The following CEP128 variants were observed in gnomAD, a reference collection of about 807,000 sequenced individuals.
CEP128 encodes centrosomal protein 128.
CEP128 carries 132 observed loss-of-function variants against 156.7 expected under a neutral mutation model. The observed-to-expected ratio is 0.84, with a 90% confidence interval of 0.73 to 0.97. The LOEUF is 0.97. Ranked by LOEUF, CEP128 falls within the 50% of genes least tolerant of loss-of-function variation. CEP128 has a pLI of 0.00. For missense variants in CEP128, 1,252 were observed against 1,281.9 expected, an observed-to-expected ratio of 0.98 and a Z score of 0.36; for synonymous variants, 469 against 448.9, an observed-to-expected ratio of 1.04 and a Z score of -0.57.
intron 20 of CEP128, among the ~76,000 whole-genome samples, chr14:80,579,732 G>A (rs1426985541): frequency 6.6e-6 from 1 of 152,162 alleles, no homozygotes; most frequent in African/African-American, 2.4e-5. Context: ...GAATATAACT[G>A]ATTATGTTTC....
intron 19 of CEP128, among the ~76,000 whole-genome samples, chr14:80,627,603 A>G (rs1595113841): frequency 6.6e-6 from 1 of 152,226 alleles, no homozygotes; most frequent in African/African-American, 2.4e-5. Context: ...AGCAAGTTAT[A>G]TGTTTATTTA....
chr14:80,935,926 C>T (rs1397354954), intron 2 of CEP128, among the ~76,000 whole-genome samples: 1 of 152,110 alleles, frequency 6.6e-6, no homozygotes, highest in Non-Finnish European at 1.5e-5. Flanking sequence ...AAACAACTTC[C>T]AAAAGTTAAC....
chr14:80,507,643 G>A (rs1315689787), intron 23 of CEP128, among the ~76,000 whole-genome samples: 4 of 152,156 alleles, frequency 2.6e-5, no homozygotes, highest in African/African-American at 9.7e-5. Context: ...CCAATAAGGG[G>A]AAAGCAAACA....
At chr14:80,579,320 A>G (rs1259737972) in intron 20 of CEP128, among the ~76,000 whole-genome samples, 1 of 152,056 alleles carries the variant, frequency 6.6e-6, no homozygotes, top group African/African-American at 2.4e-5. Flanking sequence ...AGACTGGACT[A>G]ACCAATGCTC....
chr14:80,817,773 C>T (rs1045390379), intron 13 of CEP128, among the ~76,000 whole-genome samples: 2 of 151,546 alleles, frequency 1.3e-5, no homozygotes, highest in South Asian at 4.2e-4. Context: ...CCTGGCTACT[C>T]GGGAGGCTGA....
At chr14:80,953,149 G>A (rs1886501518) in intron 2 of CEP128, among the ~76,000 whole-genome samples, 1 of 152,184 alleles carries the variant, frequency 6.6e-6, no homozygotes, top group African/African-American at 2.4e-5. Context: ...CTTATTCTGT[G>A]ATGGAAGAAT....
rs113016867 is a variant in CEP128 at position 80,656,242 on chromosome 14, G to A, written c.2807-75819C>T. 2.1e-4 allele frequency among the ~76,000 whole-genome samples: 25 copies of A among 121,582 alleles called. 1 individual carries two copies. The highest frequency in any genetic ancestry group is 7.5e-4 in the African/African-American group (24 of 32,140). The allele number at this position is 121,582 out of a possible 152,430, so 79.8% of individuals were successfully genotyped here. A position where few individuals can be genotyped will look rare whatever the true frequency, so the allele number is the denominator to read the frequency against. On this transcript the variant is annotated intron_variant, in intron 19 of 24. Coordinates refer to ENST00000555265, the MANE Select transcript of CEP128 (RefSeq NM_152446.5). ...AAAAAAAGGTCAATTGAAAGTGAAG[G>A]ATCCTCAAGTATTTCTCAATAAACC...
rs115273302 is a variant in CEP128, at chr14:80,862,686, A to C, written c.762+71T>G. The C allele has an allele frequency of 3.0e-3, 2,977 of 992,938 alleles. 59 individuals carry two copies. The African/African-American group carries it at 0.04, about 13-fold the overall frequency. 61.5% of individuals were successfully genotyped at this position (992,938 alleles called of 1,614,324 possible). A position where few individuals can be genotyped will look rare whatever the true frequency, so the allele number is the denominator to read the frequency against. On this transcript the variant is annotated intron_variant, in intron 9 of 24. Transcript: ENST00000555265. ...GTTGAATTATACTGTCACATGCAAT[A>C]ACCATTTTAACATGGCTAAATAAAC...
At chr14:80,726,954 T>A (rs1003206743) in intron 19 of CEP128, among the ~76,000 whole-genome samples, 1 of 152,126 alleles carries the variant, frequency 6.6e-6, no homozygotes, top group African/African-American at 2.4e-5. Context: ...AGAAAACTGA[T>A]CTGAGAAAAG....
chr14:80,889,933 A>G (rs1889008753), intron 8 of CEP128, among the ~76,000 whole-genome samples: 1 of 152,232 alleles, frequency 6.6e-6, no homozygotes, highest in African/African-American at 2.4e-5. Context: ...TTTACAAGAA[A>G]AAAACAAACA....
At chr14:80,733,537 A>G (rs1157799480) in intron 19 of CEP128, among the ~76,000 whole-genome samples, 5 of 152,182 alleles carry the variant, frequency 3.3e-5, no homozygotes, top group African/African-American at 1.2e-4. Context: ...TGTAGTGGAC[A>G]AGGAAATGGG....
Position 80,497,468 on chromosome 14 carries a change from C to T in CEP128, c.*11G>A. On this transcript the variant is annotated 3_prime_UTR_variant, in exon 25 of 25. Coordinates refer to ENST00000555265, the MANE Select transcript of CEP128 (RefSeq NM_152446.5). ...CATACTCATGTAAAATAACAAATTA[C>T]ATTTGCTTTTTTAGCTCCCATATTC... is the stretch of plus-strand genomic sequence containing the variant. The T allele has an allele frequency of 1.3e-6, 2 of 1,540,446 alleles. No individual in the cohort carries two copies. Among genetic ancestry groups the T allele is most frequent in the South Asian group, 2.3e-5 (2 of 88,200 alleles).
chr14:80,758,372 AT>A (rs1222645797), intron 17 of CEP128, among the ~76,000 whole-genome samples: 1 of 152,110 alleles, frequency 6.6e-6, no homozygotes, highest in East Asian at 1.9e-4. Flanking sequence ...AAATACAAAA[AT>A]TAGCCGGGCG....
chr14:80,742,936 A>T (rs1016349697), intron 19 of CEP128, 139 bp downstream of exon 19: 2 of 701,502 alleles, frequency 2.9e-6, no homozygotes, highest in Admixed American at 5.5e-5. Flanking sequence ...GAAGAAAGAT[A>T]AGAAGACAAA....
At chr14:80,594,630 A>C (rs1383404488) in intron 19 of CEP128, among the ~76,000 whole-genome samples, 1 of 152,222 alleles carries the variant, frequency 6.6e-6, no homozygotes, top group African/African-American at 2.4e-5. Flanking sequence ...TATAAGAAAA[A>C]AACAAACAAC....
chr14:80,675,166 T>C (rs117310286), intron 19 of CEP128, among the ~76,000 whole-genome samples: 1,758 of 152,190 alleles, frequency 0.012, 22 homozygotes, highest in Non-Finnish European at 0.014. Flanking sequence ...TATACAAAAG[T>C]AGACAATATA....
At chr14:80,870,450 A>C (rs73342113) in intron 8 of CEP128, among the ~76,000 whole-genome samples, 3,327 of 152,224 alleles carry the variant, frequency 0.022, 43 homozygotes, top group Middle Eastern at 0.071. Context: ...GCAAATCAAT[A>C]AGTGTAACAT....
chr14:80,754,331 T>A (rs1899533723), intron 18 of CEP128, among the ~76,000 whole-genome samples: 1 of 152,220 alleles, frequency 6.6e-6, no homozygotes, highest in Non-Finnish European at 1.5e-5. Flanking sequence ...CCTGGATGGT[T>A]TCAATATTCA....
intron 19 of CEP128, among the ~76,000 whole-genome samples, chr14:80,730,858 C>T (rs906776355): frequency 1.3e-5 from 2 of 152,028 alleles, no homozygotes; most frequent in Non-Finnish European, 2.9e-5. Flanking sequence ...AAGGTTGCAT[C>T]CAATAATATT....
Sources: allele counts gnomAD v4.1 joint callset (sites outside exome capture counted in the v4.1 genomes callset), GRCh38; gene constraint gnomAD v4.1.1; transcripts MANE v1.5; gene names NCBI Gene and HGNC (gene_info 2026-07-23, HGNC 2026-07-21).